The following FBXL13 variants were observed in gnomAD, a reference collection of about 807,000 sequenced individuals.
FBXL13 encodes the protein F-box and leucine-rich repeat protein 13.
In FBXL13, 67 loss-of-function variants were observed where a neutral mutation model predicts 83.6. The observed-to-expected ratio is 0.80, with a 90% CI of 0.66 to 0.98. The LOEUF (loss-of-function observed/expected upper bound fraction) is 0.98, where lower values mean the gene tolerates loss of function less well. FBXL13 is among the 50% of genes least tolerant of loss of function. The pLI is 0.00. For synonymous variants in FBXL13, 272 were observed against 299.5 expected (o/e 0.91, Z 0.95); for missense variants, 822 against 866.5 (o/e 0.95, Z 0.64).
rs139217345 is a variant in FBXL13, at chr7:102,993,088, ATGTGGT to A, written c.496-24977_496-24972del. On this transcript the variant is annotated intron_variant, in intron 6 of 19. Coordinates refer to ENST00000313221, the Ensembl canonical transcript of FBXL13. ...ATCCACATACTTCCTTGATAGAGCA[ATGTGGT>A]TGTGGAACCTTTCCTTATCTGAAGT... Among the ~76,000 whole-genome samples the A allele has an allele frequency of 3.6e-4, 55 of 152,326 alleles. No individual in the cohort carries two copies. The East Asian group carries it at 6.9e-3, about 19-fold the overall frequency.
At chr7:102,941,193 A>G (rs1386837465) in intron 8 of FBXL13, among the ~76,000 whole-genome samples, 1 of 152,134 alleles carries the variant, frequency 6.6e-6, no homozygotes, top group Non-Finnish European at 1.5e-5. Context: ...GTCAAAAGCA[A>G]TTTTCATTTT....
chr7:102,952,265 T>A (rs775687695), intron 8 of FBXL13, among the ~76,000 whole-genome samples: 1 of 152,206 alleles, frequency 6.6e-6, no homozygotes, highest in Non-Finnish European at 1.5e-5. Context: ...GTTCTGGAGA[T>A]GCATCAGTGA....
At chr7:102,996,141 T>C (rs1000837536) in intron 6 of FBXL13, among the ~76,000 whole-genome samples, 2 of 152,222 alleles carry the variant, frequency 1.3e-5, no homozygotes, top group Admixed American at 1.3e-4. Flanking sequence ...CCTGGACTTT[T>C]AATCAATATA....
intron 8 of FBXL13, among the ~76,000 whole-genome samples, chr7:102,962,570 T>A (rs1222541894): frequency 6.6e-6 from 1 of 152,018 alleles, no homozygotes; most frequent in Non-Finnish European, 1.5e-5. Flanking sequence ...AAGCAAAGAC[T>A]TGGAACCAAC....
At chr7:102,920,370 C>CA (rs1816741135) in intron 10 of FBXL13, among the ~76,000 whole-genome samples, 1 of 151,032 alleles carries the variant, frequency 6.6e-6, no homozygotes, top group South Asian at 2.1e-4. Context: ...ACCATACACT[C>CA]AGTTTTTTTT....
chr7:102,909,053 A>G (rs554950994), intron 11 of FBXL13, among the ~76,000 whole-genome samples: 3 of 152,166 alleles, frequency 2.0e-5, no homozygotes, highest in South Asian at 4.2e-4. Flanking sequence ...AGAGTCAAAA[A>G]CCTTAGAAGT....
intron 7 of FBXL13, among the ~76,000 whole-genome samples, chr7:102,966,978 G>T (rs1021951397): frequency 6.8e-5 from 10 of 147,222 alleles, no homozygotes; most frequent in South Asian, 2.1e-4. Context: ...TGGTTTTTTT[G>T]TTTTTTTTTT....
At chr7:102,967,563 G>A (rs1377587425) in intron 7 of FBXL13, among the ~76,000 whole-genome samples, 1 of 152,158 alleles carries the variant, frequency 6.6e-6, no homozygotes, top group East Asian at 1.9e-4. Context: ...ATGAGCCACT[G>A]TGCCCAGCAT....
intron 17 of FBXL13, among the ~76,000 whole-genome samples, chr7:102,844,594 A>G (rs568249716): frequency 1.3e-5 from 2 of 152,330 alleles, no homozygotes; most frequent in African/African-American, 4.8e-5. Flanking sequence ...TTTTTTCTCT[A>G]TAGTCACACC....
chr7:102,885,835 T>C (rs1810725429), intron 11 of FBXL13, among the ~76,000 whole-genome samples: 1 of 152,166 alleles, frequency 6.6e-6, no homozygotes, highest in Non-Finnish European at 1.5e-5. Flanking sequence ...TTTTTTTTCA[T>C]GTGGATATAC....
chr7:102,885,811 G>T lies in FBXL13; in HGVS notation c.1009-1499C>A, dbSNP rs144204745. Reference sequence around the variant, plus strand: ...AATTTTTATACATAGTGTGAGGTAGGGGTCCAACTTCACTTTTTTTTCATG... The same window carrying T: ...AATTTTTATACATAGTGTGAGGTAGTGGTCCAACTTCACTTTTTTTTCATG... On this transcript the variant is annotated intron_variant, in intron 11 of 19. Coordinates refer to ENST00000313221, the Ensembl canonical transcript of FBXL13. 7.4e-4 allele frequency among the ~76,000 whole-genome samples: 112 copies of T among 152,166 alleles called. No individual in the cohort carries two copies. In the East Asian group the frequency reaches 0.021, roughly 29 times the overall value.
intron 6 of FBXL13, among the ~76,000 whole-genome samples, chr7:103,003,926 C>T (rs192122948): frequency 2.6e-5 from 4 of 152,296 alleles, no homozygotes; most frequent in Admixed American, 1.3e-4. Flanking sequence ...CTCCTTGTTA[C>T]ATTTCTCTGA....
intron 8 of FBXL13, among the ~76,000 whole-genome samples, chr7:102,950,396 T>G (rs1287839533): frequency 6.6e-6 from 1 of 152,218 alleles, no homozygotes; most frequent in Non-Finnish European, 1.5e-5. Flanking sequence ...GGAACTCTCA[T>G]TCATTGCTGA....
intron 17 of FBXL13, among the ~76,000 whole-genome samples, chr7:102,846,019 T>G (rs1332008648): frequency 3.3e-5 from 5 of 152,188 alleles, no homozygotes. Flanking sequence ...AACCTCCAGT[T>G]TGTAAAATGG....
At chr7:103,072,425 G>A (rs1799056369) in intron 1 of FBXL13, among the ~76,000 whole-genome samples, 1 of 152,110 alleles carries the variant, frequency 6.6e-6, no homozygotes, top group Admixed American at 6.5e-5. Flanking sequence ...ATGCATATAA[G>A]GGCCTCCTCT....
intron 8 of FBXL13, among the ~76,000 whole-genome samples, chr7:102,955,570 C>A (rs1414537910): frequency 4.1e-5 from 6 of 147,892 alleles, no homozygotes; most frequent in Non-Finnish European, 7.5e-5. Context: ...ACACAAAAAA[C>A]CATTCAAAAA....
chr7:102,854,131 A>C (rs1805674915), intron 17 of FBXL13, among the ~76,000 whole-genome samples: 1 of 152,102 alleles, frequency 6.6e-6, no homozygotes, highest in East Asian at 1.9e-4. Context: ...CAAATGTCCA[A>C]CAATGATAGA....
intron 6 of FBXL13, among the ~76,000 whole-genome samples, chr7:103,021,789 T>C (rs1328293771): frequency 1.3e-5 from 2 of 152,116 alleles, no homozygotes; most frequent in Admixed American, 6.5e-5. Context: ...TGAGATACCA[T>C]CTCATACCAG....
At chr7:103,009,039 A>G (rs1441863151) in intron 6 of FBXL13, among the ~76,000 whole-genome samples, 1 of 152,166 alleles carries the variant, frequency 6.6e-6, no homozygotes, top group Non-Finnish European at 1.5e-5. Context: ...TTTAAAATGC[A>G]TATTTTAAAT....
Sources: allele counts gnomAD v4.1 joint callset (sites outside exome capture counted in the v4.1 genomes callset), GRCh38; gene constraint gnomAD v4.1.1; transcripts MANE v1.5; gene names NCBI Gene and HGNC (gene_info 2026-07-23, HGNC 2026-07-21).